QRSL1: variants seen among roughly 807,000 people sequenced by gnomAD.
QRSL1 encodes glutaminyl-tRNA amidotransferase subunit QRSL1.
QRSL1 carries 54 observed loss-of-function variants against 61.6 expected under a neutral mutation model. The ratio of observed to expected loss-of-function variants is 0.88; its 90% CI spans 0.70 to 1.10. QRSL1 has a LOEUF of 1.10. QRSL1 is among the 50% of genes least tolerant of loss of function. The pLI, the probability that QRSL1 is intolerant of heterozygous loss-of-function variation, is 0.00. For missense variants in QRSL1, 505 were observed against 622.6 expected, an observed-to-expected ratio of 0.81 and a Z score of 2.01; for synonymous variants, 228 against 225.7, an observed-to-expected ratio of 1.01 and a Z score of -0.09.
At chr6:106,658,540 C>T (rs1351688030) in intron 9 of QRSL1, among the ~76,000 whole-genome samples, 1 of 151,756 alleles carries the variant, frequency 6.6e-6, no homozygotes, top group African/African-American at 2.4e-5. Context: ...AGCGACAGAG[C>T]GAGAGCCCAT....
intron 9 of QRSL1, among the ~76,000 whole-genome samples, chr6:106,659,884 T>C (rs1275317744): frequency 6.6e-6 from 1 of 152,248 alleles, no homozygotes; most frequent in East Asian, 1.9e-4. Context: ...GCTCTAGGAA[T>C]TGTTCAGTCC....
chr6:106,647,491 G>A (rs1375730341), intron 4 of QRSL1, among the ~76,000 whole-genome samples: 5 of 146,820 alleles, frequency 3.4e-5, no homozygotes, highest in Admixed American at 6.8e-5. Context: ...ACCGGGAGGC[G>A]GAGCTTGCAG....
chr6:106,651,079 C>G (rs1386986324), intron 5 of QRSL1, among the ~76,000 whole-genome samples: 1 of 152,120 alleles, frequency 6.6e-6, no homozygotes, highest in African/African-American at 2.4e-5. Context: ...CCCTTCAACC[C>G]TCTCCCAGCC....
intron 9 of QRSL1, among the ~76,000 whole-genome samples, chr6:106,658,806 T>G (rs1247378025): frequency 6.6e-6 from 1 of 152,196 alleles, no homozygotes; most frequent in Non-Finnish European, 1.5e-5. Context: ...TTAAGCAGCT[T>G]TGATCTGTTG....
rs922648514 is a variant in QRSL1, at chr6:106,666,933, CTG to C, written c.*932_*933del. On this transcript the variant is annotated 3_prime_UTR_variant, in exon 11 of 11. Coordinates refer to ENST00000369046, the MANE Select transcript of QRSL1 (RefSeq NM_018292.5). ...TTTCCCTAAGAAAGAGCTGAAATGA[CTG>C]AGAACTTTCCTTTCCTCCTTAGAGT... is the stretch of plus-strand genomic sequence containing the variant. 57 of 152,306 alleles carry C rather than the reference CTG, an allele frequency of 3.7e-4. No individual in the cohort carries two copies. The highest frequency in any genetic ancestry group is 1.2e-3 in the African/African-American group (51 of 41,558). 9.4% of individuals were successfully genotyped at this position (152,306 alleles called of 1,614,324 possible). A position where few individuals can be genotyped will look rare whatever the true frequency, so the allele number is the denominator to read the frequency against.
chr6:106,651,674 G>T (rs1476378737), intron 5 of QRSL1, among the ~76,000 whole-genome samples: 1 of 152,160 alleles, frequency 6.6e-6, no homozygotes, highest in Middle Eastern at 3.2e-3. Flanking sequence ...TCTAAATGGG[G>T]TGGGTAGCAA....
In QRSL1 at chr6:106,649,202, G is replaced by A. The variant is rs780812791; in HGVS notation, c.557+1G>A. On this transcript the variant is annotated splice_donor_variant, in intron 5 of 10. Transcript: ENST00000369046. LOFTEE classifies it high-confidence loss of function. ...CTGTATCGGCGTTCACATGCTACGCGTAAGATGCTTTTCTCTATCTGTATT... is the reference window on the plus strand; with the variant it reads ...CTGTATCGGCGTTCACATGCTACGCATAAGATGCTTTTCTCTATCTGTATT... The A allele has an allele frequency of 1.2e-5, 20 of 1,613,482 alleles. No homozygotes were observed. Among genetic ancestry groups the A allele is most frequent in the South Asian group, 4.4e-5 (4 of 91,032 alleles).
At chr6:106,651,974 A>T (rs1019682409) in intron 5 of QRSL1, among the ~76,000 whole-genome samples, 20 of 152,198 alleles carry the variant, frequency 1.3e-4, no homozygotes, top group African/African-American at 4.6e-4. Context: ...AAAAAAATGC[A>T]TTTTTAAAAA....
chr6:106,634,729 GCACT>G, intron 1 of QRSL1, among the ~76,000 whole-genome samples: 1 of 151,986 alleles, frequency 6.6e-6, no homozygotes, highest in Middle Eastern at 3.4e-3. Context: ...TCACATCCGT[GCACT>G]CCAGGTTTGG....
chr6:106,644,894 T>G (rs189373740), intron 4 of QRSL1, among the ~76,000 whole-genome samples: 1 of 152,354 alleles, frequency 6.6e-6, no homozygotes, highest in East Asian at 1.9e-4. Context: ...TACATTTAGA[T>G]CTGTTATTCA....
chr6:106,652,607 A>G (rs1777207074), intron 7 of QRSL1, 25 bp downstream of exon 7: 1 of 1,613,902 alleles, frequency 6.2e-7, no homozygotes, highest in South Asian at 1.1e-5. Flanking sequence ...TCATTACTTT[A>G]CAGAAATACT....
chr6:106,633,057 T>G (rs1776862683), intron 1 of QRSL1, among the ~76,000 whole-genome samples: 1 of 152,248 alleles, frequency 6.6e-6, no homozygotes, highest in Non-Finnish European at 1.5e-5. Context: ...TTAGCCATTG[T>G]GAAAAACAAC....
intron 3 of QRSL1, among the ~76,000 whole-genome samples, chr6:106,641,852 A>G (rs1777025170): frequency 6.6e-6 from 1 of 152,236 alleles, no homozygotes; most frequent in Non-Finnish European, 1.5e-5. Context: ...CTATCATGCA[A>G]TATTTTGTAG....
rs1160511219 is a variant in QRSL1, at chr6:106,667,215, A to T, written c.*1213A>T. 1 of 152,264 alleles carries T rather than the reference A, an allele frequency of 6.6e-6. No individual in the cohort carries two copies. The highest frequency in any genetic ancestry group is 1.5e-5 in the Non-Finnish European group (1 of 68,046). The allele number at this position is 152,264 out of a possible 1,614,324, so 9.4% of individuals were successfully genotyped here. ...GCAGATAATTTGCTGATGAAGCAGA[A>T]GAGGGGATGCGCATGGCAAGAACTT... On this transcript the variant is annotated 3_prime_UTR_variant, in exon 11 of 11. Transcript: ENST00000369046.
In QRSL1 at chr6:106,654,723, C is replaced by G; in HGVS notation, c.850-7C>G. The G allele has an allele frequency of 1.3e-6, 2 of 1,598,334 alleles. No homozygotes were observed. The highest frequency in any genetic ancestry group is 1.7e-6 in the Non-Finnish European group (2 of 1,176,036). Reference sequence around the variant, plus strand: ...TCCAATTTTGTATCTTGACTTTTTGCTATAAGGAATATCTTGTACCGGAAT... The same window carrying G: ...TCCAATTTTGTATCTTGACTTTTTGGTATAAGGAATATCTTGTACCGGAAT... On this transcript the variant is annotated splice_region_variant and splice_polypyrimidine_tract_variant and intron_variant, in intron 7 of 10. Coordinates refer to ENST00000369046, the MANE Select transcript of QRSL1 (RefSeq NM_018292.5).
chr6:106,662,062 T>C (rs1440215592), intron 9 of QRSL1, among the ~76,000 whole-genome samples: 1 of 152,020 alleles, frequency 6.6e-6, no homozygotes, highest in Non-Finnish European at 1.5e-5. Flanking sequence ...ATCTAAAGGA[T>C]TTTTTTTCCT....
At chr6:106,636,608 C>T (rs994660861) in intron 1 of QRSL1, among the ~76,000 whole-genome samples, 4 of 152,202 alleles carry the variant, frequency 2.6e-5, no homozygotes, top group Admixed American at 1.3e-4. Flanking sequence ...CATGAGCCAC[C>T]GCGCCCAGCC....
chr6:106,651,143 CAT>C (rs1777183040), intron 5 of QRSL1, among the ~76,000 whole-genome samples: 1 of 152,118 alleles, frequency 6.6e-6, no homozygotes, highest in Non-Finnish European at 1.5e-5. Context: ...CTAGTTATCT[CAT>C]GTACGTGGTG....
At chr6:106,657,105 C>A (rs1414349602) in intron 9 of QRSL1, among the ~76,000 whole-genome samples, 1 of 152,136 alleles carries the variant, frequency 6.6e-6, no homozygotes, top group Non-Finnish European at 1.5e-5. Flanking sequence ...CCTGTCTCTA[C>A]TAAAAATACA....
Sources: gnomAD v4.1 joint callset for allele counts (sites outside exome capture counted in the v4.1 genomes callset) on GRCh38, gnomAD v4.1.1 for gene constraint, MANE v1.5 for transcripts, NCBI Gene and HGNC (gene_info 2026-07-23, HGNC 2026-07-21) for gene names.